Variants in GALNT13 observed in about 807,000 individuals in gnomAD.
GALNT13 encodes the protein UDP-GalNAc:polypeptide N-acetylgalactosaminyltransferase 13.
In GALNT13, 28 loss-of-function variants were observed where a neutral mutation model predicts 64.2. That is an observed-to-expected ratio of 0.44 (90% CI 0.32 to 0.60). GALNT13 has a LOEUF of 0.60. GALNT13 is among the 20% of genes least tolerant of loss of function. The pLI, the probability that GALNT13 is intolerant of heterozygous loss-of-function variation, is 0.05. For missense variants in GALNT13, 577 were observed against 669.8 expected (o/e 0.86, Z 1.53); for synonymous variants, 214 against 224.6 (o/e 0.95, Z 0.42).
At chr2:153,551,569 C>G in the GALNT13 span, among the ~76,000 whole-genome samples, 10,810 of 152,190 alleles carry the variant, frequency 0.071, 493 homozygotes, top group East Asian at 0.23. Flanking sequence ...CAAATTCTGA[C>G]TATTTTAAAG....
the GALNT13 span, among the ~76,000 whole-genome samples, chr2:153,489,549 A>G: frequency 6.6e-6 from 1 of 152,196 alleles, no homozygotes; most frequent in African/African-American, 2.4e-5. Flanking sequence ...ACGCAAGGTT[A>G]TATTTCACTG....
intron 3 of GALNT13, among the ~76,000 whole-genome samples, chr2:154,083,855 G>A (rs1211304388): frequency 2.6e-5 from 4 of 151,846 alleles, no homozygotes; most frequent in Non-Finnish European, 1.5e-5. Context: ...GAATTGGGAT[G>A]ATATGACAGA....
At chr2:153,193,395 A>G in the GALNT13 span, among the ~76,000 whole-genome samples, 13 of 142,414 alleles carry the variant, frequency 9.1e-5, no homozygotes, top group African/African-American at 3.1e-4. Context: ...GAATTGAACA[A>G]TGAGATCACA....
chr2:154,328,758 A>T (rs2105185894), intron 9 of GALNT13, among the ~76,000 whole-genome samples: 1 of 152,260 alleles, frequency 6.6e-6, no homozygotes, highest in Non-Finnish European at 1.5e-5. Flanking sequence ...CAACCCACAA[A>T]GTCCTCCTTG....
intron 2 of GALNT13, among the ~76,000 whole-genome samples, chr2:153,936,881 C>T (rs565895447): frequency 5.3e-5 from 8 of 152,074 alleles, no homozygotes; most frequent in African/African-American, 7.2e-5. Flanking sequence ...CCACCATGCC[C>T]GGCTAGTTTT....
At chr2:153,918,423 C>T (rs948852058) in intron 2 of GALNT13, among the ~76,000 whole-genome samples, 9 of 152,102 alleles carry the variant, frequency 5.9e-5, no homozygotes, top group Non-Finnish European at 1.0e-4. Flanking sequence ...GCGGTATCTT[C>T]CATTTCCCAC....
chr2:153,100,767 G>T, the GALNT13 span, among the ~76,000 whole-genome samples: 30 of 152,114 alleles, frequency 2.0e-4, no homozygotes, highest in African/African-American at 6.3e-4. Context: ...TATGGCTCAC[G>T]CCTGTAATCC....
chr2:153,411,832 G>T, the GALNT13 span, among the ~76,000 whole-genome samples: 1 of 152,228 alleles, frequency 6.6e-6, no homozygotes, highest in Non-Finnish European at 1.5e-5. Context: ...CAATTGTGAT[G>T]GTTAATACTG....
the GALNT13 span, among the ~76,000 whole-genome samples, chr2:153,795,630 A>G: frequency 4.6e-5 from 7 of 152,190 alleles, no homozygotes; most frequent in Non-Finnish European, 8.8e-5. Flanking sequence ...TACATAAAAT[A>G]TGCTTAATAT....
At chr2:154,201,329 CTTTG>C (rs1211209570) in intron 4 of GALNT13, among the ~76,000 whole-genome samples, 1 of 152,034 alleles carries the variant, frequency 6.6e-6, no homozygotes, top group East Asian at 1.9e-4. Context: ...GTCATAGAAG[CTTTG>C]TTTGATTTGT....
At chr2:154,323,298 A>T (rs1694720596) in intron 9 of GALNT13, among the ~76,000 whole-genome samples, 1 of 151,880 alleles carries the variant, frequency 6.6e-6, no homozygotes, top group African/African-American at 2.4e-5. Context: ...TTAAAAAATA[A>T]AAAAGGAGAG....
At chr2:154,157,776 A>G (rs1458622923) in intron 4 of GALNT13, among the ~76,000 whole-genome samples, 1 of 152,236 alleles carries the variant, frequency 6.6e-6, no homozygotes, top group Admixed American at 6.5e-5. Context: ...GTCACTAATG[A>G]TTGCTATGGT....
the GALNT13 span, among the ~76,000 whole-genome samples, chr2:153,246,095 G>T: frequency 2.0e-5 from 3 of 147,848 alleles, no homozygotes; most frequent in Non-Finnish European, 4.4e-5. Flanking sequence ...AGACAAGATT[G>T]GAGAAAAAAG....
At chr2:154,226,506 AC>A (rs1287080778) in intron 4 of GALNT13, among the ~76,000 whole-genome samples, 4 of 152,188 alleles carry the variant, frequency 2.6e-5, no homozygotes, top group Non-Finnish European at 5.9e-5. Flanking sequence ...AAGAGAAAAA[AC>A]AATGTATTTA....
chr2:153,864,850 A>C, the GALNT13 span, among the ~76,000 whole-genome samples: 12 of 148,024 alleles, frequency 8.1e-5, no homozygotes, highest in Admixed American at 1.4e-4. Context: ...CCGCATCGCC[A>C]AGTCAATCCT....
chr2:153,113,789 C>T, the GALNT13 span, among the ~76,000 whole-genome samples: 1 of 152,016 alleles, frequency 6.6e-6, no homozygotes, highest in African/African-American at 2.4e-5. Context: ...TTGAGTTAGA[C>T]ACCTCATTTC....
the GALNT13 span, among the ~76,000 whole-genome samples, chr2:153,435,638 A>G: frequency 1.3e-5 from 2 of 151,882 alleles, no homozygotes; most frequent in South Asian, 2.1e-4. Flanking sequence ...TTTGTCTGTT[A>G]TTGGTGTATA....
the GALNT13 span, among the ~76,000 whole-genome samples, chr2:153,082,572 T>TA: frequency 4.2e-4 from 24 of 56,682 alleles, no homozygotes; most frequent in African/African-American, 1.5e-3. Context: ...TTTAGGCTGG[T>TA]TTATATATAT....
the GALNT13 span, among the ~76,000 whole-genome samples, chr2:153,653,894 AC>A: frequency 6.6e-6 from 1 of 152,158 alleles, no homozygotes; most frequent in Non-Finnish European, 1.5e-5. Flanking sequence ...ATTTTTAACA[AC>A]CCTTAACAAA....
Sources: allele counts gnomAD v4.1 joint callset (sites outside exome capture counted in the v4.1 genomes callset), GRCh38; gene constraint gnomAD v4.1.1; transcripts MANE v1.5; gene names NCBI Gene and HGNC (gene_info 2026-07-23, HGNC 2026-07-21).